The following MAGI2 variants were observed in gnomAD, a reference collection of about 807,000 sequenced individuals.
MAGI2 encodes membrane associated guanylate kinase, WW and PDZ domain containing 2, also known as membrane-associated guanylate kinase, WW and PDZ domain-containing protein 2.
MAGI2 carries 35 observed loss-of-function variants against 133.3 expected under a neutral mutation model. The ratio of observed to expected loss-of-function variants is 0.26; its 90% CI spans 0.20 to 0.35. The LOEUF is 0.35. Among genes scored for constraint, MAGI2 ranks in the 10% least tolerant of loss-of-function variants. The probability of loss-of-function intolerance (pLI) is 1.00; values close to 1 mark genes in which losing one functional copy is unlikely to be tolerated. For missense variants in MAGI2, 1,636 were observed against 1,863.4 expected (o/e 0.88, Z 2.25); for synonymous variants, 729 against 710.6 (o/e 1.03, Z -0.41).
At chr7:78,515,774 C>G (rs1795988944) in intron 4 of MAGI2, among the ~76,000 whole-genome samples, 1 of 151,992 alleles carries the variant, frequency 6.6e-6, no homozygotes, top group Non-Finnish European at 1.5e-5. Context: ...TGGCTGGCAC[C>G]TATAATCCCA....
At chr7:78,698,020 C>T (rs1817691669) in intron 2 of MAGI2, among the ~76,000 whole-genome samples, 1 of 152,138 alleles carries the variant, frequency 6.6e-6, no homozygotes, top group Non-Finnish European at 1.5e-5. Context: ...TAGCCTGCCT[C>T]TGTTAGATTA....
At chr7:79,034,040 G>A (rs1168661586) in intron 1 of MAGI2, among the ~76,000 whole-genome samples, 2 of 152,074 alleles carry the variant, frequency 1.3e-5, no homozygotes, top group East Asian at 3.8e-4. Flanking sequence ...AGAAAAAGAT[G>A]ATATATTGAG....
chr7:78,976,537 A>T (rs2116085775), intron 2 of MAGI2, among the ~76,000 whole-genome samples: 1 of 151,658 alleles, frequency 6.6e-6, no homozygotes, highest in African/African-American at 2.4e-5. Context: ...CTCTGAGATT[A>T]TCAACCAGGA....
At chr7:78,293,688 A>G (rs1796947247) in intron 9 of MAGI2, among the ~76,000 whole-genome samples, 1 of 152,192 alleles carries the variant, frequency 6.6e-6, no homozygotes, top group Admixed American at 6.5e-5. Context: ...ACCAACCCAA[A>G]TGTCCATCAA....
At chr7:79,111,613 G>A (rs760700622) in intron 1 of MAGI2, among the ~76,000 whole-genome samples, 1 of 152,046 alleles carries the variant, frequency 6.6e-6, no homozygotes, top group Non-Finnish European at 1.5e-5. Context: ...ATGGAAGCTC[G>A]GAGATAGTAA....
At chr7:78,842,099 G>T (rs1204977614) in intron 2 of MAGI2, among the ~76,000 whole-genome samples, 3 of 151,948 alleles carry the variant, frequency 2.0e-5, no homozygotes, top group African/African-American at 7.2e-5. Flanking sequence ...TTGTTCTTCT[G>T]GGTAGCAGGT....
At chr7:78,587,256 T>A (rs1312230197) in intron 3 of MAGI2, among the ~76,000 whole-genome samples, 2 of 152,136 alleles carry the variant, frequency 1.3e-5, no homozygotes, top group African/African-American at 4.8e-5. Flanking sequence ...CCTTTCCTTA[T>A]CCCCCCTTTT....
At chr7:78,426,608 A>G (rs867184291) in intron 6 of MAGI2, among the ~76,000 whole-genome samples, 48 of 148,842 alleles carry the variant, frequency 3.2e-4, no homozygotes, top group Middle Eastern at 3.4e-3. Context: ...AAGTATAATA[A>G]TAATAAATAA....
chr7:79,238,111 A>T (rs530840563), intron 1 of MAGI2, among the ~76,000 whole-genome samples: 3 of 152,328 alleles, frequency 2.0e-5, no homozygotes, highest in Admixed American at 6.5e-5. Context: ...ACTGGGAAAT[A>T]CATTGGCTTA....
intron 1 of MAGI2, among the ~76,000 whole-genome samples, chr7:79,145,547 A>G (rs1822536894): frequency 6.6e-6 from 1 of 152,102 alleles, no homozygotes. Context: ...GGAAGACCTA[A>G]TCTATTCCTG....
chr7:79,366,137 G>T (rs1044235102), intron 1 of MAGI2, among the ~76,000 whole-genome samples: 3 of 151,882 alleles, frequency 2.0e-5, no homozygotes, highest in Admixed American at 2.0e-4. Flanking sequence ...AGCTACTCAG[G>T]AGGCTGAGGT....
chr7:78,418,877 T>C (rs1798541339), intron 6 of MAGI2, among the ~76,000 whole-genome samples: 1 of 152,122 alleles, frequency 6.6e-6, no homozygotes. Flanking sequence ...AATATAGGAA[T>C]AGTAATAGTT....
chr7:78,249,876 T>TA (rs1377261425), intron 10 of MAGI2, among the ~76,000 whole-genome samples: 1 of 152,078 alleles, frequency 6.6e-6, no homozygotes, highest in Non-Finnish European at 1.5e-5. Flanking sequence ...AAAGAAATGA[T>TA]AAATGCTTGA....
chr7:79,117,818 C>T (rs1181803324), intron 1 of MAGI2, among the ~76,000 whole-genome samples: 1 of 152,164 alleles, frequency 6.6e-6, no homozygotes, highest in East Asian at 1.9e-4. Context: ...CTATAATGTA[C>T]AGAGAGTAGT....
chr7:79,242,043 C>A (rs986557149), intron 1 of MAGI2, among the ~76,000 whole-genome samples: 1 of 152,184 alleles, frequency 6.6e-6, no homozygotes, highest in African/African-American at 2.4e-5. Context: ...TACCACTTGG[C>A]TAGCACTGCA....
chr7:79,234,199 C>T (rs1831658134), intron 1 of MAGI2, among the ~76,000 whole-genome samples: 1 of 134,852 alleles, frequency 7.4e-6, no homozygotes, highest in Non-Finnish European at 1.6e-5. Flanking sequence ...TGAGGGTAAC[C>T]CGACCTTTCT....
intron 1 of MAGI2, among the ~76,000 whole-genome samples, chr7:79,048,476 C>T (rs1011175118): frequency 6.6e-6 from 1 of 152,242 alleles, no homozygotes; most frequent in East Asian, 1.9e-4. Flanking sequence ...TCCCTTTTTA[C>T]TACAAGTCTT....
rs190186694 is a variant in MAGI2, at chr7:79,227,869, T to G, written c.302-220663A>C. The stretch of plus-strand genomic sequence containing the variant: ...TTGGTTGCTCCTCACACTTCCTATC[T>G]TTCCTGTTCTTTTAACATTCTAGGT... On this transcript the variant is annotated intron_variant, in intron 1 of 21. Coordinates refer to ENST00000354212, the MANE Select transcript of MAGI2 (RefSeq NM_012301.4). 3.9e-4 allele frequency among the ~76,000 whole-genome samples: 59 copies of G among 152,330 alleles called. No individual in the cohort carries two copies. The East Asian group carries it at 0.011, about 28-fold the overall frequency.
chr7:78,794,419 TA>T (rs376683971), intron 2 of MAGI2, among the ~76,000 whole-genome samples: 5 of 152,350 alleles, frequency 3.3e-5, no homozygotes, highest in African/African-American at 1.2e-4. Flanking sequence ...TGTGTGGTTA[TA>T]AAATTGTCAA....
Sources: gnomAD v4.1 joint callset for allele counts (sites outside exome capture counted in the v4.1 genomes callset) on GRCh38, gnomAD v4.1.1 for gene constraint, MANE v1.5 for transcripts, NCBI Gene and HGNC (gene_info 2026-07-23, HGNC 2026-07-21) for gene names.